The following SMAP2 variants were observed in gnomAD, a reference collection of about 807,000 sequenced individuals.
SMAP2 encodes the protein small ArfGAP2.
Under a neutral mutation model 56.4 loss-of-function variants are expected in SMAP2, and 25 were observed. The ratio of observed to expected loss-of-function variants is 0.44; its 90% CI spans 0.32 to 0.62. The LOEUF is 0.62. SMAP2 is among the 20% of genes least tolerant of loss of function. The pLI, the probability that SMAP2 is intolerant of heterozygous loss-of-function variation, is 0.04. For synonymous variants in SMAP2, 157 were observed against 181.7 expected (o/e 0.86, Z 1.09); for missense variants, 388 against 545.6 (o/e 0.71, Z 2.88).
At position 40,360,042 on chromosome 1, in the gene SMAP2, T is replaced by C. The variant is rs1260692673; in HGVS notation, c.-82-2258T>C. On this transcript the variant is annotated intron_variant, in intron 1 of 6. Coordinates refer to the SMAP2 transcript ENST00000435168. Reference sequence around the variant, plus strand: ...TTTTTTTTGAGATGGAGTCTCGCTGTGTCACCTAGGCTGGAGTGCAGTGGT... The same window carrying C: ...TTTTTTTTGAGATGGAGTCTCGCTGCGTCACCTAGGCTGGAGTGCAGTGGT... Among the ~76,000 whole-genome samples, 5 of 140,884 alleles carry C rather than the reference T, an allele frequency of 3.5e-5. No individual in the cohort carries two copies. In the East Asian group the frequency reaches 1.1e-3, roughly 30 times the overall value. 92.4% of individuals were successfully genotyped at this position (140,884 alleles called of 152,430 possible).
chr1:40,394,850 G>T (rs1024338070), intron 1 of SMAP2, among the ~76,000 whole-genome samples: 4 of 152,082 alleles, frequency 2.6e-5, no homozygotes, highest in African/African-American at 9.7e-5. Flanking sequence ...CCTCTAGTTG[G>T]AACAGAGACT....
At position 40,415,272 on chromosome 1, in the gene SMAP2, A is replaced by G. The variant is rs201585812; in HGVS notation, c.572A>G (p.Asp191Gly). The change falls in exon 7 of 10, where the codon GAT (aspartate) becomes GGT (glycine). Residue 191 changes from aspartate (D) to glycine (G), a missense_variant and splice_region_variant. Physicochemically the swap from Asp to Gly is moderately conservative, Grantham distance 94. Coordinates refer to ENST00000372718, the MANE Select transcript of SMAP2 (RefSeq NM_022733.3). ...TCTTAACTTCGATCTCTCTTTCTAG[A>G]TGCTCCTGTGGCCTGCTCCATTGCA... Reference protein sequence around the residue: ...TAPVMDLLGLDAPVACSIANS... With the variant: ...TAPVMDLLGLGAPVACSIANS... 2.3e-4 allele frequency: 372 copies of G among 1,611,038 alleles called. 1 individual carries two copies. Among genetic ancestry groups the G allele is most frequent in the Middle Eastern group, 1.2e-3 (7 of 6,062 alleles).
rs35398664 is a variant in SMAP2 at position 40,379,555 on chromosome 1, C to CTTT, written c.103+5354_103+5356dup. ...TGATTTGGAAGACACTGTTGTCTCTCTTTTTTTTTTTTTTTTTTTTTTTTG... is the reference window on the plus strand; with the variant it reads ...TGATTTGGAAGACACTGTTGTCTCTCTTTTTTTTTTTTTTTTTTTTTTTTTTTG... On this transcript the variant is annotated intron_variant, in intron 1 of 9. Coordinates refer to ENST00000372718, the MANE Select transcript of SMAP2 (RefSeq NM_022733.3). 7.6e-3 allele frequency among the ~76,000 whole-genome samples: 592 copies of CTTT among 78,046 alleles called. 2 individuals carry two copies. Among genetic ancestry groups the CTTT allele is most frequent in the Middle Eastern group, 0.017 (2 of 118 alleles). The allele number at this position is 78,046 out of a possible 152,430, so 51.2% of individuals were successfully genotyped here.
At chr1:40,393,356 A>C (rs1369398544) in intron 1 of SMAP2, 4 of 1,533,060 alleles carry the variant, frequency 2.6e-6, no homozygotes, top group Non-Finnish European at 3.5e-6. Context: ...CAAATGAGTG[A>C]GTGCAGCAGG....
chr1:40,379,268 A>G (rs1302705591), intron 1 of SMAP2, among the ~76,000 whole-genome samples: 5 of 152,172 alleles, frequency 3.3e-5, no homozygotes, highest in Non-Finnish European at 7.3e-5. Flanking sequence ...CACCACACCT[A>G]GCCCATTGTC....
chr1:40,357,226 T>C (rs1318585684), intron 1 of SMAP2, among the ~76,000 whole-genome samples: 1 of 152,038 alleles, frequency 6.6e-6, no homozygotes, highest in African/African-American at 2.4e-5. Context: ...TCTTGAGAAA[T>C]TTTGGATCAC....
At chr1:40,416,062 T>C in intron 7 of SMAP2, 114 bp from the exon 8 acceptor site, 1 of 987,738 alleles carries the variant, frequency 1.0e-6, no homozygotes, top group Non-Finnish European at 1.5e-6. Flanking sequence ...AGCTATTAAC[T>C]TGAGCCATGA....
Position 40,374,651 on chromosome 1 carries a change from G to GTCC in SMAP2, c.103+428_103+429insTCC. The GTCC allele has an allele frequency of 6.5e-7, 1 of 1,544,852 alleles. No individual in the cohort carries two copies. ...AGAGAGAGAGAGAGAGAATGACGAG[G>GTCC]AGGAGGAGGAGGGAAGTGAGATGGC... On this transcript the variant is annotated intron_variant, in intron 1 of 9. Coordinates refer to ENST00000372718, the MANE Select transcript of SMAP2 (RefSeq NM_022733.3). The surrounding 1 kb of genome is among the most constrained non-coding windows in gnomAD (Gnocchi z 5.9).
In SMAP2 at chr1:40,374,588, C is replaced by A; in HGVS notation, c.103+365C>A. ...GGGGATGAACTGCATTGCGTGCGTGCGTGCGTGCGTGTGTGTGTGTGTGTG... is the reference window on the plus strand; with the variant it reads ...GGGGATGAACTGCATTGCGTGCGTGAGTGCGTGCGTGTGTGTGTGTGTGTG... On this transcript the variant is annotated intron_variant, in intron 1 of 9. Coordinates refer to ENST00000372718, the MANE Select transcript of SMAP2 (RefSeq NM_022733.3). This position sits in a 1 kb window ranked among gnomAD's most constrained non-coding sequence, Gnocchi z 5.9. 7.9e-7 allele frequency: 1 copy of A among 1,273,234 alleles called. No individual in the cohort carries two copies. The highest frequency in any genetic ancestry group is 1.3e-5 in the South Asian group (1 of 76,102). 78.9% of individuals were successfully genotyped at this position (1,273,234 alleles called of 1,614,324 possible).
intron 1 of SMAP2, 111 bp from the exon 2 acceptor site, chr1:40,406,625 T>C: frequency 1.6e-6 from 2 of 1,238,106 alleles, no homozygotes; most frequent in Non-Finnish European, 1.1e-6. Flanking sequence ...GTGGTTATGG[T>C]AAAAATTATT....
rs1428108653 is a variant in SMAP2 at position 40,374,727 on chromosome 1, T to A, written c.103+504T>A. ...TTTAAAGGTGGTGATTTTTGCTTCC[T>A]GCTATTTGGTTAGCAACTCCTGTCA... On this transcript the variant is annotated intron_variant, in intron 1 of 9. Transcript: ENST00000372718. This position sits in a 1 kb window ranked among gnomAD's most constrained non-coding sequence, Gnocchi z 5.9. 1.3e-6 allele frequency: 2 copies of A among 1,550,558 alleles called. No homozygotes were observed. The highest frequency in any genetic ancestry group is 4.9e-5 in the East Asian group (2 of 40,922).
At chr1:40,399,107 T>C (rs780328901) in intron 1 of SMAP2, among the ~76,000 whole-genome samples, 2 of 152,002 alleles carry the variant, frequency 1.3e-5, no homozygotes, top group African/African-American at 4.8e-5. Flanking sequence ...CTGAGCAACA[T>C]AGTGAGACCC....
intron 1 of SMAP2, among the ~76,000 whole-genome samples, chr1:40,388,257 G>A (rs1198800652): frequency 5.3e-5 from 8 of 152,232 alleles, no homozygotes; most frequent in South Asian, 2.1e-4. Flanking sequence ...CGGGACTGGC[G>A]GGCAGCTCCA....
At chr1:40,398,242 A>G (rs1027724631) in intron 1 of SMAP2, among the ~76,000 whole-genome samples, 4 of 151,606 alleles carry the variant, frequency 2.6e-5, no homozygotes, top group Non-Finnish European at 5.9e-5. Flanking sequence ...TTATTTATTT[A>G]TTTTTTGACA....
chr1:40,411,276 G>A (rs755136756), intron 4 of SMAP2, among the ~76,000 whole-genome samples: 2 of 152,196 alleles, frequency 1.3e-5, no homozygotes, highest in Non-Finnish European at 2.9e-5. Flanking sequence ...AGCTTGCATG[G>A]CATCATCAAA....
At position 40,365,732 on chromosome 1, in the gene SMAP2, T is replaced by A. The variant is rs558549608; in HGVS notation, c.55+3296T>A. The stretch of plus-strand genomic sequence containing the variant: ...ACCATCATCACAGACCAAAAGTAGA[T>A]AAAACCACAAAGATGGGGAAAAAAC... On this transcript the variant is annotated intron_variant, in intron 2 of 6. Transcript: ENST00000435168. Among the ~76,000 whole-genome samples, 5 of 151,880 alleles carry A rather than the reference T, an allele frequency of 3.3e-5. No homozygotes were observed. In the East Asian group the frequency reaches 7.7e-4, roughly 24 times the overall value.
At chr1:40,387,366 G>T (rs1038743415) in intron 1 of SMAP2, among the ~76,000 whole-genome samples, 2 of 152,098 alleles carry the variant, frequency 1.3e-5, no homozygotes, top group Non-Finnish European at 2.9e-5. Flanking sequence ...TACAAATAAG[G>T]AAGTATAAAT....
At chr1:40,414,104 G>GA (rs1644963424) in intron 5 of SMAP2, 55 bp from the exon 6 acceptor site, 1 of 1,540,458 alleles carries the variant, frequency 6.5e-7, no homozygotes, top group East Asian at 2.2e-5. Flanking sequence ...GTGGAGATGG[G>GA]AAAAGAGTTC....
intron 1 of SMAP2, among the ~76,000 whole-genome samples, chr1:40,404,218 T>TA (rs890612939): frequency 1.6e-4 from 24 of 152,250 alleles, no homozygotes; most frequent in Non-Finnish European, 1.3e-4. Flanking sequence ...ATGGAACATG[T>TA]AGTTATTCAC....
Sources: allele counts gnomAD v4.1 joint callset (sites outside exome capture counted in the v4.1 genomes callset), GRCh38; gene constraint gnomAD v4.1.1; non-coding constraint Gnocchi (gnomAD v3.1); transcripts MANE v1.5; gene names NCBI Gene and HGNC (gene_info 2026-07-23, HGNC 2026-07-21).